The following RPTOR variants were observed in gnomAD, a reference collection of about 807,000 sequenced individuals.
RPTOR encodes regulatory associated protein of MTOR complex 1, also known as regulatory-associated protein of mTOR.
In RPTOR, 21 loss-of-function variants were observed where a neutral mutation model predicts 169.9. That is an observed-to-expected ratio of 0.12 (90% CI 0.09 to 0.18). The LOEUF (loss-of-function observed/expected upper bound fraction) is 0.18, where lower values mean the gene tolerates loss of function less well. RPTOR is among the 10% of genes least tolerant of loss of function. The probability of loss-of-function intolerance (pLI) is 1.00; values close to 1 mark genes in which losing one functional copy is unlikely to be tolerated. For missense variants in RPTOR, 1,133 were observed against 1,855.9 expected (o/e 0.61, Z 7.16); for synonymous variants, 732 against 753.2 (o/e 0.97, Z 0.46).
At chr17:80,877,723 T>A (rs1025308656) in intron 13 of RPTOR, among the ~76,000 whole-genome samples, 2 of 152,154 alleles carry the variant, frequency 1.3e-5, no homozygotes, top group African/African-American at 4.8e-5. Flanking sequence ...GGTCGATGCA[T>A]CTCAGTTTAT....
chr17:80,773,804 G>A (rs972857553), intron 6 of RPTOR: 1 of 985,180 alleles, frequency 1.0e-6, no homozygotes, highest in Admixed American at 6.2e-5. Flanking sequence ...CCAGCAAACT[G>A]TTCTTTCTGG....
intron 1 of RPTOR, among the ~76,000 whole-genome samples, chr17:80,618,712 C>T (rs543243394): frequency 7.9e-5 from 12 of 152,334 alleles, no homozygotes; most frequent in African/African-American, 2.6e-4. Context: ...CTCAAGGTAA[C>T]GAGCTGAGCT....
chr17:80,694,834 C>T (rs556031247), intron 3 of RPTOR, among the ~76,000 whole-genome samples: 1 of 152,334 alleles, frequency 6.6e-6, no homozygotes, highest in East Asian at 1.9e-4. Context: ...CTCTCTGGCA[C>T]TCATGGGCAT....
intron 4 of RPTOR, among the ~76,000 whole-genome samples, chr17:80,717,163 A>G (rs62067911): frequency 0.053 from 8,036 of 152,192 alleles, 270 homozygotes; most frequent in Non-Finnish European, 0.078. Context: ...TTTTACTGAA[A>G]TGTCATCTGA....
intron 7 of RPTOR, 111 bp from the exon 8 acceptor site, chr17:80,822,090 T>A: frequency 1.1e-6 from 1 of 918,500 alleles, no homozygotes; most frequent in Non-Finnish European, 1.8e-6. Flanking sequence ...AGAGCCTTCC[T>A]CCCTCGCTCA....
At chr17:80,692,318 TGTTATGTTATGTTA>T (rs2066000068) in intron 3 of RPTOR, among the ~76,000 whole-genome samples, 2 of 151,222 alleles carry the variant, frequency 1.3e-5, no homozygotes, top group East Asian at 1.9e-4. Flanking sequence ...TGTTATGTTA[TGTTATGTTATGTTA>T]TTTTTTTGAG....
At chr17:80,906,380 G>A (rs775093847) in intron 20 of RPTOR, among the ~76,000 whole-genome samples, 29 of 152,200 alleles carry the variant, frequency 1.9e-4, no homozygotes, top group Non-Finnish European at 4.0e-4. Context: ...CTATCGCAGA[G>A]CTGTGCAATC....
At chr17:80,592,015 A>T (rs2065111323) in intron 1 of RPTOR, among the ~76,000 whole-genome samples, 1 of 152,066 alleles carries the variant, frequency 6.6e-6, no homozygotes, top group Non-Finnish European at 1.5e-5. Context: ...CTTGTGATGG[A>T]TGCTTACTCA....
chr17:80,566,178 A>T (rs2084587827), intron 1 of RPTOR, among the ~76,000 whole-genome samples: 2 of 152,202 alleles, frequency 1.3e-5, no homozygotes. Context: ...CCTCCTGCAT[A>T]GCGCAGCTGT....
rs1008363443 is a variant in RPTOR, at chr17:80,754,835, C to T, written c.830+650C>T. Among the ~76,000 whole-genome samples, 2 of 152,176 alleles carry T rather than the reference C, an allele frequency of 1.3e-5. No homozygotes were observed. Among genetic ancestry groups the T allele is most frequent in the African/African-American group, 4.8e-5 (2 of 41,440 alleles). Reference sequence around the variant, plus strand: ...TCCCATTTTATGTTTTGCTGAAAAGCTTATATGTCGTGGCTGTTACCGGCT... The same window carrying T: ...TCCCATTTTATGTTTTGCTGAAAAGTTTATATGTCGTGGCTGTTACCGGCT... On this transcript the variant is annotated intron_variant, in intron 6 of 33. Coordinates refer to ENST00000306801, the MANE Select transcript of RPTOR (RefSeq NM_020761.3). This position sits in a 1 kb window ranked among gnomAD's most constrained non-coding sequence, Gnocchi z 4.2.
At chr17:80,580,108 CT>C (rs1240158913) in intron 1 of RPTOR, among the ~76,000 whole-genome samples, 6 of 152,128 alleles carry the variant, frequency 3.9e-5, no homozygotes, top group Non-Finnish European at 5.9e-5. Context: ...TCAGGAGACT[CT>C]TTGGAAATAC....
In RPTOR at chr17:80,693,087, C is replaced by T. The variant is rs181893415; in HGVS notation, c.349-14754C>T. ...TGTTGCTGTATTAGACTGGAATCCA[C>T]GTGTCCTCATTGGAATCAAAGCTTC... is the stretch of plus-strand genomic sequence containing the variant. On this transcript the variant is annotated intron_variant, in intron 3 of 33. Transcript: ENST00000306801. 2.0e-3 allele frequency among the ~76,000 whole-genome samples: 304 copies of T among 152,334 alleles called. 4 individuals carry two copies. The highest frequency in any genetic ancestry group is 0.016 in the Admixed American group (247 of 15,304).
intron 20 of RPTOR, among the ~76,000 whole-genome samples, chr17:80,902,771 C>T (rs964975159): frequency 1.3e-5 from 2 of 152,264 alleles, no homozygotes; most frequent in Non-Finnish European, 2.9e-5. Context: ...GTCACTCCCA[C>T]GCTCATCCGT....
chr17:80,615,425 T>C (rs181217701), intron 1 of RPTOR, among the ~76,000 whole-genome samples: 507 of 152,272 alleles, frequency 3.3e-3, no homozygotes, highest in African/African-American at 0.012. Flanking sequence ...AGTCTTTTTT[T>C]CCCCACCTTA....
At chr17:80,657,755 T>C (rs1306887970) in intron 3 of RPTOR, among the ~76,000 whole-genome samples, 2 of 152,200 alleles carry the variant, frequency 1.3e-5, no homozygotes, top group Non-Finnish European at 2.9e-5. Context: ...GTTTTTAATC[T>C]TTTAGTTGGA....
At chr17:80,738,198 G>A (rs1209242418) in intron 5 of RPTOR, among the ~76,000 whole-genome samples, 4 of 152,362 alleles carry the variant, frequency 2.6e-5, no homozygotes, top group East Asian at 1.9e-4. Context: ...TGCCCAGCCC[G>A]GCCCCGTGTA....
chr17:80,557,474 G>A (rs968689726), intron 1 of RPTOR, among the ~76,000 whole-genome samples: 17 of 151,942 alleles, frequency 1.1e-4, no homozygotes, highest in African/African-American at 4.1e-4. Flanking sequence ...CCAAGATCAT[G>A]CCACTGCATT....
At chr17:80,883,203 G>A (rs542914895) in intron 14 of RPTOR, among the ~76,000 whole-genome samples, 1 of 152,212 alleles carries the variant, frequency 6.6e-6, no homozygotes, top group African/African-American at 2.4e-5. Context: ...GGAGCAGTCT[G>A]TTCACTCCGG....
Position 80,878,395 on chromosome 17 carries a change from G to A in RPTOR, c.1510-2020G>A, listed in dbSNP as rs1370795085. Among the ~76,000 whole-genome samples the A allele has an allele frequency of 2.6e-5, 4 of 151,900 alleles. No individual in the cohort carries two copies. The East Asian group carries it at 7.7e-4, about 29-fold the overall frequency. Reference sequence around the variant, plus strand: ...GTAGTCTTGCTCTGTCGCCCAGGCTGGAATGCAGTGGTGCGATCTCAGCTC... The same window carrying A: ...GTAGTCTTGCTCTGTCGCCCAGGCTAGAATGCAGTGGTGCGATCTCAGCTC... On this transcript the variant is annotated intron_variant, in intron 13 of 33. Transcript: ENST00000306801. This position sits in a 1 kb window ranked among gnomAD's most constrained non-coding sequence, Gnocchi z 4.1.
Sources: allele counts gnomAD v4.1 joint callset (sites outside exome capture counted in the v4.1 genomes callset), GRCh38; gene constraint gnomAD v4.1.1; non-coding constraint Gnocchi (gnomAD v3.1); transcripts MANE v1.5; gene names NCBI Gene and HGNC (gene_info 2026-07-23, HGNC 2026-07-21).